The following XIRP2 variants were observed in gnomAD, a reference collection of about 807,000 sequenced individuals.
The protein encoded by XIRP2 is xin actin-binding repeat-containing protein 2.
XIRP2 carries 236 observed loss-of-function variants against 277.0 expected under a neutral mutation model. The ratio of observed to expected loss-of-function variants is 0.85; its 90% confidence interval spans 0.77 to 0.95. The LOEUF is 0.95. Ranked by LOEUF, XIRP2 falls within the 40% of genes least tolerant of loss-of-function variation. XIRP2 has a pLI of 0.00. For synonymous variants in XIRP2, 1,490 were observed against 1,416.5 expected (o/e 1.05, Z -1.17); for missense variants, 4,640 against 4,157.5 (o/e 1.12, Z -3.19).
chr2:167,249,643 A>G lies in XIRP2; in HGVS notation c.8251A>G (p.Thr2751Ala). 1.2e-6 allele frequency: 2 copies of G among 1,613,582 alleles called. No homozygotes were observed. The highest frequency in any genetic ancestry group is 1.7e-6 in the Non-Finnish European group (2 of 1,179,814). Residue 2751 changes from threonine to alanine, a missense_variant, in exon 9 of 11, where the codon ACC (threonine) becomes GCC (alanine). Transcript: ENST00000409195. ...CTTTACCAAAAAACAATATCTGAAA[A>G]CCAAGAAAACTGAAGCAAGCACTGA... ...QTFTKKQYLK[T>A]KKTEASTECS...
At chr2:167,096,295 G>GA (rs199572274) in intron 2 of XIRP2, among the ~76,000 whole-genome samples, 4,387 of 152,128 alleles carry the variant, frequency 0.029, 96 homozygotes, top group South Asian at 0.07. Flanking sequence ...ATGTGTCGAG[G>GA]AATTTATCCA....
chr2:167,164,556 C>T (rs1395450988), intron 3 of XIRP2, among the ~76,000 whole-genome samples: 1 of 150,020 alleles, frequency 6.7e-6, no homozygotes, highest in Non-Finnish European at 1.5e-5. Context: ...GGAGAATTGA[C>T]ATCATAGCAA....
intron 2 of XIRP2, among the ~76,000 whole-genome samples, chr2:167,051,359 T>C (rs1466781477): frequency 6.6e-6 from 1 of 152,164 alleles, no homozygotes; most frequent in East Asian, 1.9e-4. Flanking sequence ...GCATTTTGCA[T>C]TGTGCATGGT....
intron 2 of XIRP2, among the ~76,000 whole-genome samples, chr2:166,905,026 T>C (rs1279490193): frequency 6.6e-6 from 1 of 152,070 alleles, no homozygotes; most frequent in East Asian, 1.9e-4. Flanking sequence ...TATGAAGTTA[T>C]ATTTATGAGG....
chr2:166,930,551 G>T (rs1040320894), intron 2 of XIRP2, among the ~76,000 whole-genome samples: 1 of 152,082 alleles, frequency 6.6e-6, no homozygotes, highest in African/African-American at 2.4e-5. Flanking sequence ...TGAAATTTGA[G>T]ATGTAGAAAC....
At chr2:166,984,029 T>A (rs570420460) in intron 2 of XIRP2, among the ~76,000 whole-genome samples, 9 of 152,260 alleles carry the variant, frequency 5.9e-5, no homozygotes, top group Non-Finnish European at 1.2e-4. Context: ...CTTATTTCTC[T>A]CATCTCCCAC....
At chr2:167,228,618 G>A (rs945050424) in intron 5 of XIRP2, among the ~76,000 whole-genome samples, 3 of 152,078 alleles carry the variant, frequency 2.0e-5, no homozygotes, top group South Asian at 2.1e-4. Context: ...AAACATTAAC[G>A]TGTAGAGGGT....
chr2:167,033,376 C>A (rs767628015), intron 2 of XIRP2, among the ~76,000 whole-genome samples: 4 of 152,014 alleles, frequency 2.6e-5, no homozygotes, highest in South Asian at 2.1e-4. Context: ...CACCATGGCA[C>A]GTGTATACCT....
intron 2 of XIRP2, among the ~76,000 whole-genome samples, chr2:167,016,761 A>G (rs963744319): frequency 6.6e-6 from 1 of 151,972 alleles, no homozygotes; most frequent in African/African-American, 2.4e-5. Flanking sequence ...GAAAGAGGTA[A>G]GGAAGGAGGA....
chr2:167,206,894 GAAATAAGATTGTGACAAAGATTGTGTC>G (rs1190167080), intron 3 of XIRP2, among the ~76,000 whole-genome samples: 3 of 152,148 alleles, frequency 2.0e-5, no homozygotes, highest in Admixed American at 6.5e-5. Context: ...TCTGGCTTTA[GAAATAAGATTGTGACAAAGATTGTGTC>G]AAATAAGATT....
chr2:167,039,585 A>T (rs1447333456), intron 2 of XIRP2, among the ~76,000 whole-genome samples: 5 of 152,182 alleles, frequency 3.3e-5, no homozygotes, highest in Non-Finnish European at 5.9e-5. Flanking sequence ...ACAAACACAT[A>T]CACAATCTCA....
intron 2 of XIRP2, among the ~76,000 whole-genome samples, chr2:167,039,486 A>C (rs539921823): frequency 5.3e-5 from 8 of 152,212 alleles, no homozygotes; most frequent in African/African-American, 1.4e-4. Context: ...GTTACAGAGA[A>C]AGGAACAATC....
intron 2 of XIRP2, among the ~76,000 whole-genome samples, chr2:167,086,459 C>G (rs1289695100): frequency 5.3e-5 from 8 of 151,792 alleles, no homozygotes; most frequent in Admixed American, 5.3e-4. Context: ...TTGTGGCGTT[C>G]TCTGTATTTC....
rs536518596 is a variant in XIRP2, at chr2:167,188,971, T to C, written c.563-21764T>C. On this transcript the variant is annotated intron_variant, in intron 3 of 10. Coordinates refer to ENST00000409195, the MANE Select transcript of XIRP2 (RefSeq NM_152381.6). ...GTTTGGGCATCATTTCTTCTGTGAT[T>C]ACAGAGGAAGAGGAGAGTGTTGCCT... Among the ~76,000 whole-genome samples, 44 of 152,334 alleles carry C rather than the reference T, an allele frequency of 2.9e-4. No individual in the cohort carries two copies. In the East Asian group the frequency reaches 7.7e-3, roughly 27 times the overall value.
At chr2:167,082,654 G>A (rs891537427) in intron 2 of XIRP2, among the ~76,000 whole-genome samples, 18 of 152,144 alleles carry the variant, frequency 1.2e-4, no homozygotes, top group Non-Finnish European at 2.2e-4. Context: ...GGTGTGAGAT[G>A]GTATCTCATT....
chr2:166,908,279 G>A, intron 2 of XIRP2, among the ~76,000 whole-genome samples: 1 of 152,246 alleles, frequency 6.6e-6, no homozygotes, highest in East Asian at 1.9e-4. Context: ...GGCACCTGTT[G>A]TTTCCTGACA....
chr2:167,043,376 A>G (rs59422962), intron 2 of XIRP2, among the ~76,000 whole-genome samples: 52,341 of 151,874 alleles, frequency 0.34, 10,461 homozygotes, highest in African/African-American at 0.54. Context: ...AAAGATACAC[A>G]TTCATACAAA....
chr2:166,994,678 C>G (rs1687160413), intron 2 of XIRP2, among the ~76,000 whole-genome samples: 1 of 148,274 alleles, frequency 6.7e-6, no homozygotes, highest in Admixed American at 6.7e-5. Flanking sequence ...GCCTGGATTC[C>G]TCAGTCTATC....
intron 2 of XIRP2, among the ~76,000 whole-genome samples, chr2:167,002,740 T>C (rs1269408297): frequency 6.6e-6 from 1 of 152,008 alleles, no homozygotes; most frequent in Non-Finnish European, 1.5e-5. Flanking sequence ...TCCAGTTTAA[T>C]GTCTTAAACA....
Sources: gnomAD v4.1 joint callset for allele counts (sites outside exome capture counted in the v4.1 genomes callset) on GRCh38, gnomAD v4.1.1 for gene constraint, MANE v1.5 for transcripts, NCBI Gene and HGNC (gene_info 2026-07-23, HGNC 2026-07-21) for gene names.